RAP1GAP2: variants seen among roughly 807,000 people sequenced by gnomAD.
The protein encoded by RAP1GAP2 is RAP1 GTPase activating protein 2.
Under a neutral mutation model 95.0 loss-of-function variants are expected in RAP1GAP2, and 27 were observed. The ratio of observed to expected loss-of-function variants is 0.28; its 90% confidence interval spans 0.21 to 0.39. RAP1GAP2 has a LOEUF of 0.39. Among genes scored for constraint, RAP1GAP2 ranks in the 10% least tolerant of loss-of-function variants. The pLI is 1.00. For missense variants in RAP1GAP2, 771 were observed against 970.0 expected, an observed-to-expected ratio of 0.79 and a Z score of 2.72; for synonymous variants, 373 against 380.9, an observed-to-expected ratio of 0.98 and a Z score of 0.24.
In RAP1GAP2 at chr17:2,981,064, T is replaced by G. The variant is rs1456074757; in HGVS notation, c.676-131T>G. On this transcript the variant is annotated intron_variant, in intron 9 of 24. Transcript: ENST00000254695. The stretch of plus-strand genomic sequence containing the variant: ...CTGGGCACGTGTTAGTGAGCAGCAG[T>G]CAGAATCCCCGCCCAGGCCTCCTGA... The G allele has an allele frequency of 2.8e-5, 21 of 749,132 alleles. No homozygotes were observed. In the East Asian group the frequency reaches 4.9e-4, roughly 18 times the overall value. 46.4% of individuals were successfully genotyped at this position (749,132 alleles called of 1,614,324 possible). A position where few individuals can be genotyped will look rare whatever the true frequency, so the allele number is the denominator to read the frequency against.
intron 2 of RAP1GAP2, among the ~76,000 whole-genome samples, chr17:2,770,777 A>G (rs2068375048): frequency 6.6e-6 from 1 of 152,226 alleles, no homozygotes; most frequent in South Asian, 2.1e-4. Context: ...TCAGTGGCTC[A>G]TGCCTGTAAT....
chr17:3,032,505 G>A (rs1411486533), intron 24 of RAP1GAP2, 56 bp downstream of exon 24: 4 of 1,547,300 alleles, frequency 2.6e-6, no homozygotes, highest in Admixed American at 3.4e-5. Context: ...GTTTCTTTTA[G>A]ATCAGGGAAC....
In RAP1GAP2 at chr17:2,965,300, C is replaced by T; in HGVS notation, c.493-240C>T. On this transcript the variant is annotated intron_variant, in intron 7 of 24. Transcript: ENST00000254695. This position sits in a 1 kb window ranked among gnomAD's most constrained non-coding sequence, Gnocchi z 4.7. ...CTGTGAAATGGGGATGATGTTCTCT[C>T]CCGGATACAGCTGTGGTCAGGACTG... is the stretch of plus-strand genomic sequence containing the variant. The T allele has an allele frequency of 5.6e-6, 3 of 538,424 alleles. No individual in the cohort carries two copies. The South Asian group carries it at 6.6e-5, about 12-fold the overall frequency. The allele number at this position is 538,424 out of a possible 1,614,324, so 33.4% of individuals were successfully genotyped here. A position where few individuals can be genotyped will look rare whatever the true frequency, so the allele number is the denominator to read the frequency against.
At chr17:2,885,033 T>TC (rs903596070) in intron 2 of RAP1GAP2, among the ~76,000 whole-genome samples, 4 of 142,300 alleles carry the variant, frequency 2.8e-5, no homozygotes, top group African/African-American at 1.0e-4. Context: ...TCTTTCTTTT[T>TC]TTTTTTTTTT....
At chr17:2,885,993 T>G (rs928098273) in intron 2 of RAP1GAP2, among the ~76,000 whole-genome samples, 3 of 152,146 alleles carry the variant, frequency 2.0e-5, no homozygotes, top group Non-Finnish European at 4.4e-5. Context: ...GTGCTGGGTT[T>G]GCCCCCTGGG....
intron 1 of RAP1GAP2, among the ~76,000 whole-genome samples, chr17:2,798,070 G>A (rs1272711089): frequency 1.3e-5 from 2 of 152,244 alleles, no homozygotes; most frequent in Non-Finnish European, 2.9e-5. Flanking sequence ...AATCTGGGCA[G>A]GTGAGGGGGA....
At chr17:2,816,252 A>G (rs559971358) in intron 2 of RAP1GAP2, among the ~76,000 whole-genome samples, 52 of 145,776 alleles carry the variant, frequency 3.6e-4, no homozygotes, top group Non-Finnish European at 7.1e-4. Flanking sequence ...TTTTTTTCTT[A>G]GGATAATGAC....
At chr17:2,976,598 A>C (rs993381824) in intron 8 of RAP1GAP2, among the ~76,000 whole-genome samples, 3 of 152,208 alleles carry the variant, frequency 2.0e-5, no homozygotes, top group Non-Finnish European at 4.4e-5. Flanking sequence ...CACTTTAAAA[A>C]AAGATTAAAT....
chr17:2,851,946 T>A (rs890569931), intron 2 of RAP1GAP2, among the ~76,000 whole-genome samples: 2 of 152,164 alleles, frequency 1.3e-5, no homozygotes, highest in African/African-American at 4.8e-5. Flanking sequence ...AGGCCTTCCG[T>A]TGAGGTGCAG....
chr17:2,908,188 G>C (rs1459838127), intron 3 of RAP1GAP2, among the ~76,000 whole-genome samples: 1 of 152,182 alleles, frequency 6.6e-6, no homozygotes, highest in African/African-American at 2.4e-5. Flanking sequence ...CTCTGCACAT[G>C]CGTTCAGGCA....
chr17:2,949,526 C>T (rs988279182), intron 3 of RAP1GAP2, among the ~76,000 whole-genome samples: 34 of 152,058 alleles, frequency 2.2e-4, no homozygotes, highest in African/African-American at 8.0e-4. Flanking sequence ...ATGCCCTGAG[C>T]ATTAACTGAG....
In RAP1GAP2 at chr17:3,003,070, T is replaced by G. The variant is rs1023974940; in HGVS notation, c.1201-2299T>G. Among the ~76,000 whole-genome samples, 1 of 152,148 alleles carries G rather than the reference T, an allele frequency of 6.6e-6. No individual in the cohort carries two copies. The highest frequency in any genetic ancestry group is 1.5e-5 in the Non-Finnish European group (1 of 68,028). ...GTGCTGGGTCCTTAGACGCACAGTC[T>G]TGAATCCTGACAAGCCCCTGGTGAG... On this transcript the variant is annotated intron_variant, in intron 14 of 24. Coordinates refer to ENST00000254695, the MANE Select transcript of RAP1GAP2 (RefSeq NM_015085.5). This position sits in a 1 kb window ranked among gnomAD's most constrained non-coding sequence, Gnocchi z 4.1.
rs748382602 is a variant in RAP1GAP2 at position 2,904,938 on chromosome 17, G to A, written c.81-346G>A. Among the ~76,000 whole-genome samples, 4 of 152,174 alleles carry A rather than the reference G, an allele frequency of 2.6e-5. No homozygotes were observed. Among genetic ancestry groups the A allele is most frequent in the Non-Finnish European group, 5.9e-5 (4 of 68,016 alleles). ...TTCTTGTTGCCCAGGCTGGAGTGCAGTGGCGCCATCTTGGCTCACTGCAAC... is the reference window on the plus strand; with the variant it reads ...TTCTTGTTGCCCAGGCTGGAGTGCAATGGCGCCATCTTGGCTCACTGCAAC... On this transcript the variant is annotated intron_variant, in intron 2 of 24. Coordinates refer to ENST00000254695, the MANE Select transcript of RAP1GAP2 (RefSeq NM_015085.5). This position sits in a 1 kb window ranked among gnomAD's most constrained non-coding sequence, Gnocchi z 4.7.
chr17:2,995,675 A>G (rs893059774), intron 13 of RAP1GAP2, among the ~76,000 whole-genome samples: 4 of 152,214 alleles, frequency 2.6e-5, no homozygotes, highest in Non-Finnish European at 5.9e-5. Flanking sequence ...TTTCTGGCCG[A>G]GGCCACACCT....
intron 1 of RAP1GAP2, among the ~76,000 whole-genome samples, chr17:2,782,867 A>C (rs1407180068): frequency 6.6e-6 from 1 of 152,050 alleles, no homozygotes; most frequent in Non-Finnish European, 1.5e-5. Context: ...AATACAAAAA[A>C]TTACCCGGGT....
intron 1 of RAP1GAP2, among the ~76,000 whole-genome samples, chr17:2,761,059 A>T (rs2071237338): frequency 6.6e-6 from 1 of 150,436 alleles, no homozygotes. Flanking sequence ...GGTTCAAGCG[A>T]TTCTTCTGCC....
chr17:2,811,548 T>G (rs9906423), intron 2 of RAP1GAP2, among the ~76,000 whole-genome samples: 23,765 of 152,202 alleles, frequency 0.16, 2,156 homozygotes, highest in African/African-American at 0.24. Context: ...TAACAGCAGC[T>G]GGAAATCCGT....
chr17:2,816,254 G>T (rs2070021816), intron 2 of RAP1GAP2, among the ~76,000 whole-genome samples: 1 of 151,008 alleles, frequency 6.6e-6, no homozygotes, highest in South Asian at 2.1e-4. Context: ...TTTTTCTTAG[G>T]ATAATGACAT....
chr17:2,942,976 T>C (rs111959079), intron 3 of RAP1GAP2, among the ~76,000 whole-genome samples: 20,460 of 151,618 alleles, frequency 0.13, 1,957 homozygotes, highest in Non-Finnish European at 0.2. Context: ...ACCATGTTGG[T>C]CAGGCTGGTC....
Sources: gnomAD v4.1 joint callset for allele counts (sites outside exome capture counted in the v4.1 genomes callset) on GRCh38, gnomAD v4.1.1 for gene constraint, Gnocchi (gnomAD v3.1) non-coding constraint, MANE v1.5 for transcripts, NCBI Gene and HGNC (gene_info 2026-07-23, HGNC 2026-07-21) for gene names.